MCM5: variants seen among roughly 807,000 people sequenced by gnomAD.
MCM5 encodes the protein DNA replication licensing factor MCM5.
In MCM5, 46 loss-of-function variants were observed where a neutral mutation model predicts 79.9. The observed-to-expected ratio is 0.58, with a 90% CI of 0.45 to 0.74. The LOEUF (loss-of-function observed/expected upper bound fraction) is 0.74. MCM5 is among the 30% of genes least tolerant of loss of function. The pLI, the probability that MCM5 is intolerant of heterozygous loss-of-function variation, is 0.00. For synonymous variants in MCM5, 404 were observed against 390.5 expected, an observed-to-expected ratio of 1.03 and a Z score of -0.41; for missense variants, 883 against 1,017.0, an observed-to-expected ratio of 0.87 and a Z score of 1.79.
the MCM5 span, among the ~76,000 whole-genome samples, chr22:35,451,611 G>A: frequency 5.3e-5 from 8 of 152,226 alleles, no homozygotes; most frequent in African/African-American, 1.7e-4. Flanking sequence ...TCTCTGTGCC[G>A]GACCCAGGGG....
the MCM5 span, among the ~76,000 whole-genome samples, chr22:35,452,066 T>C: frequency 6.6e-6 from 1 of 152,104 alleles, no homozygotes; most frequent in Non-Finnish European, 1.5e-5. Flanking sequence ...CCTCTCCTGC[T>C]CCCCTCATCC....
intron 7 of MCM5, chr22:35,411,223 G>A (rs1327956322): frequency 9.3e-6 from 2 of 214,348 alleles, no homozygotes; most frequent in Non-Finnish European, 1.9e-5. Flanking sequence ...GAAACGCAGG[G>A]TTCCAGGCAG....
chr22:35,429,619 C>T (rs561848055), downstream of MCM5, among the ~76,000 whole-genome samples: 1 of 152,040 alleles, frequency 6.6e-6, no homozygotes, highest in East Asian at 1.9e-4. Context: ...TCACTGCAAC[C>T]TCCACCTCCT....
chr22:35,425,688 C>T (rs1045782997), downstream of MCM5, among the ~76,000 whole-genome samples: 7 of 152,010 alleles, frequency 4.6e-5, no homozygotes, highest in African/African-American at 1.7e-4. Context: ...GCTGCATCTC[C>T]GGTTCCTGCT....
At chr22:35,405,063 T>C (rs539255782) in intron 4 of MCM5, among the ~76,000 whole-genome samples, 227 of 150,922 alleles carry the variant, frequency 1.5e-3, no homozygotes, top group Middle Eastern at 6.8e-3. Flanking sequence ...TTTGCTCTTG[T>C]TGCCCAGGCT....
the MCM5 span, among the ~76,000 whole-genome samples, chr22:35,445,409 A>G: frequency 7.3e-6 from 1 of 137,900 alleles, no homozygotes; most frequent in African/African-American, 2.9e-5. Context: ...GCTCACTACA[A>G]CCTCTACCTC....
Position 35,400,602 on chromosome 22 carries a change from AC to A in MCM5, c.165del (p.Tyr55Ter), listed in dbSNP as rs1379856222. 1 of 1,605,392 alleles carries A rather than the reference AC, an allele frequency of 6.2e-7. No homozygotes were observed. Among genetic ancestry groups the A allele is most frequent in the Non-Finnish European group, 8.5e-7 (1 of 1,174,812 alleles). On this transcript the variant is annotated frameshift_variant and splice_region_variant, in exon 2 of 17. Transcript: ENST00000216122. LOFTEE classifies it high-confidence loss of function. ...GACCGCACGGGCTTCACCTTCAAAT[AC>A]AGGTGCGGCTCCTGCGGGGCCGGGG... is the stretch of plus-strand genomic sequence containing the variant. ...GTDRTGFTFK[Y>X]RDELKRHYNL...
chr22:35,410,782 C>A lies in MCM5; in HGVS notation c.791C>A (p.Thr264Asn). 6.2e-7 allele frequency: 1 copy of A among 1,614,170 alleles called. No individual in the cohort carries two copies. Among genetic ancestry groups the A allele is most frequent in the South Asian group, 1.1e-5 (1 of 91,084 alleles). ...CDKVVPGNRVTIMGIYSIKKF... is the reference protein window; with the variant it reads ...CDKVVPGNRVNIMGIYSIKKF... ...AAGGTCGTCCCTGGGAACAGGGTTA[C>A]CATCATGGGCATCTACTCCATCAAG... The change falls in exon 7 of 17, where the codon ACC becomes AAC. Residue 264 changes from threonine (T) to asparagine (N), a missense_variant. This residue lies in a region of MCM5 where 455 missense variants were observed against 517.5 expected (regional missense o/e 0.88). Transcript: ENST00000216122.
intron 14 of MCM5, 136 bp from the exon 15 acceptor site, chr22:35,421,182 G>T: frequency 1.3e-6 from 1 of 744,898 alleles, no homozygotes; most frequent in African/African-American, 1.8e-5. Flanking sequence ...TCAAAAGGGA[G>T]ATGGATTATG....
chr22:35,421,685 A>G, intron 15 of MCM5: 1 of 619,354 alleles, frequency 1.6e-6, no homozygotes, highest in East Asian at 3.0e-5. Context: ...ACCCTTGAAC[A>G]CAATCCTCTT....
intron 13 of MCM5, among the ~76,000 whole-genome samples, chr22:35,418,707 A>ACT (rs1311951534): frequency 2.6e-5 from 4 of 151,364 alleles, no homozygotes; most frequent in African/African-American, 9.7e-5. Context: ...ACACACACAC[A>ACT]CACTCACTCT....
At position 35,412,615 on chromosome 22, in the gene MCM5, C is replaced by T. The variant is rs1433876485; in HGVS notation, c.1025C>T (p.Ser342Phe). The T allele has an allele frequency of 1.3e-6, 2 of 1,579,002 alleles. No individual in the cohort carries two copies. Among genetic ancestry groups the T allele is most frequent in the Non-Finnish European group, 1.7e-6 (2 of 1,159,550 alleles). The change falls in exon 8 of 17, where the codon TCC becomes TTC. Residue 342 changes from serine to phenylalanine, a missense_variant. Coordinates refer to ENST00000216122, the MANE Select transcript of MCM5 (RefSeq NM_006739.4). ...GTCATCTCCAAGAGCATCGCCCCCTCCATCTTTGGGGGCACAGACATGAAG... is the reference window on the plus strand; with the variant it reads ...GTCATCTCCAAGAGCATCGCCCCCTTCATCTTTGGGGGCACAGACATGAAG... ...YEVISKSIAPSIFGGTDMKKA... is the reference protein window; with the variant it reads ...YEVISKSIAPFIFGGTDMKKA...
rs189808484 is a variant in MCM5, at chr22:35,421,410, G to A, written c.1925G>A (p.Arg642Gln). Residue 642 changes from arginine (R) to glutamine (Q), a missense_variant, in exon 15 of 17, where the codon CGG (arginine) becomes CAG (glutamine). Physicochemically the swap from Arg to Gln is conservative, Grantham distance 43 (BLOSUM62 1). Coordinates refer to ENST00000216122, the MANE Select transcript of MCM5 (RefSeq NM_006739.4). ...ATEADVEEAL[R>Q]LFQVSTLDAA... The stretch of plus-strand genomic sequence containing the variant: ...GAGGCAGATGTGGAGGAGGCCCTGC[G>A]GCTCTTCCAAGTGTCCACGTTGGAT... 2.2e-5 allele frequency: 36 copies of A among 1,614,168 alleles called. No homozygotes were observed. In the Admixed American group the frequency reaches 2.5e-4, roughly 11 times the overall value.
chr22:35,410,899 C>T lies in MCM5; in HGVS notation c.908C>T (p.Thr303Ile), dbSNP rs1393618963. Reference protein sequence around the residue: ...YIRVLGIQVDTDGSGRSFAGA... With the variant: ...YIRVLGIQVDIDGSGRSFAGA... Reference sequence around the variant, plus strand: ...CGTGTCCTGGGCATCCAGGTGGACACAGATGGCTCTGGTGAGTTGGCTTTG... The same window carrying T: ...CGTGTCCTGGGCATCCAGGTGGACATAGATGGCTCTGGTGAGTTGGCTTTG... Residue 303 changes from threonine (T) to isoleucine (I), a missense_variant, in exon 7 of 17, where the codon ACA becomes ATA. By Grantham distance (89) the Thr-to-Ile change is moderately conservative. Coordinates refer to ENST00000216122, the MANE Select transcript of MCM5 (RefSeq NM_006739.4). The T allele has an allele frequency of 6.2e-6, 10 of 1,602,874 alleles. No homozygotes were observed. Among genetic ancestry groups the T allele is most frequent in the African/African-American group, 4.0e-5 (3 of 74,716 alleles).
intron 7 of MCM5, 108 bp downstream of exon 7, chr22:35,411,018 G>A: frequency 1.0e-6 from 1 of 979,290 alleles, no homozygotes; most frequent in Non-Finnish European, 1.5e-6. Context: ...ATGTCCTTGT[G>A]TTGCTCATAT....
chr22:35,424,299 C>G lies in MCM5; in HGVS notation c.*44C>G. The stretch of plus-strand genomic sequence containing the variant: ...ACTCATGGACTCGCCCACGCCTCGC[C>G]CCTCCTGCCGCTGCCTGCCATTGAC... On this transcript the variant is annotated 3_prime_UTR_variant, in exon 17 of 17. Transcript: ENST00000216122. 2.2e-6 allele frequency: 3 copies of G among 1,381,298 alleles called. No individual in the cohort carries two copies. The highest frequency in any genetic ancestry group is 3.0e-6 in the Non-Finnish European group (3 of 1,009,858). The allele number at this position is 1,381,298 out of a possible 1,614,324, so 85.6% of individuals were successfully genotyped here. A position where few individuals can be genotyped will look rare whatever the true frequency, so the allele number is the denominator to read the frequency against.
At chr22:35,434,076 A>G in the MCM5 span, among the ~76,000 whole-genome samples, 1 of 152,190 alleles carries the variant, frequency 6.6e-6, no homozygotes, top group East Asian at 1.9e-4. Flanking sequence ...GGAGCATCCA[A>G]GCATCCATTT....
the MCM5 span, among the ~76,000 whole-genome samples, chr22:35,439,159 C>G: frequency 6.6e-6 from 1 of 151,532 alleles, no homozygotes. Flanking sequence ...ATCCATCCAT[C>G]CATTCATCCA....
At chr22:35,453,688 A>AGG in the MCM5 span, among the ~76,000 whole-genome samples, 1 of 151,464 alleles carries the variant, frequency 6.6e-6, no homozygotes, top group Non-Finnish European at 1.5e-5. Flanking sequence ...ACAGAAAGAC[A>AGG]GGGAGAGAGA....
Sources: allele counts gnomAD v4.1 joint callset (sites outside exome capture counted in the v4.1 genomes callset), GRCh38; gene constraint gnomAD v4.1.1; regional missense constraint gnomAD v4.1.1; transcripts MANE v1.5; gene names NCBI Gene and HGNC (gene_info 2026-07-23, HGNC 2026-07-21).